The following PVT1 variants were observed in gnomAD, a reference collection of about 807,000 sequenced individuals.
The protein encoded by PVT1 is CXCR4/PVT1 fusion.
At chr8:127,795,254 A>G (rs1814380274) in intron 1 of PVT1, among the ~76,000 whole-genome samples, 1 of 152,182 alleles carries the variant, frequency 6.6e-6, no homozygotes, top group African/African-American at 2.4e-5. Context: ...CTAAACCCTC[A>G]TCATGGTCAT....
intron 4 of PVT1, among the ~76,000 whole-genome samples, chr8:128,006,145 T>TAAAAATAAA (rs367569004): frequency 7.4e-6 from 1 of 134,388 alleles, no homozygotes; most frequent in Admixed American, 7.4e-5. Context: ...ATAATAATAA[T>TAAAAATAAA]AATAAAAAGA....
rs1814639679 is a variant in PVT1, at chr8:127,814,667, GTAAAATTTACATAA to G, written n.372+18605_372+18618del. ...TTATGTGTAAAATGTTTTTACTGTG[GTAAAATTTACATAA>G]TAAAATTTGCCATTGTAACCATTTC... On this transcript the variant is annotated intron_variant and non_coding_transcript_variant, in intron 2 of 10. Coordinates refer to ENST00000651587, the Ensembl canonical transcript of PVT1. Among the ~76,000 whole-genome samples the G allele has an allele frequency of 2.0e-5, 3 of 152,246 alleles. No homozygotes were observed. In the South Asian group the frequency reaches 6.2e-4, roughly 32 times the overall value.
chr8:127,837,397 T>TG (rs60862433), intron 2 of PVT1, among the ~76,000 whole-genome samples: 19,869 of 146,862 alleles, frequency 0.14, 1,591 homozygotes, highest in Admixed American at 0.23. Flanking sequence ...TTGTTGTTGT[T>TG]TTTTTTTTTT....
intron 2 of PVT1, among the ~76,000 whole-genome samples, chr8:127,868,845 A>G (rs1815321646): frequency 8.0e-6 from 1 of 124,892 alleles, no homozygotes; most frequent in Non-Finnish European, 1.6e-5. Context: ...TTTACTTTTT[A>G]AAAGTTTCTC....
rs1378824130 is a variant in PVT1 at position 127,994,826 on chromosome 8, A to G, written n.912+5535A>G. On this transcript the variant is annotated intron_variant and non_coding_transcript_variant, in intron 4 of 10. Transcript: ENST00000651587. ...GGCAGGAGAAGATCGATGTCCCAGA[A>G]CAAGCAATCAGGCAGAGATGAAATT... 4.6e-5 allele frequency among the ~76,000 whole-genome samples: 7 copies of G among 152,302 alleles called. No individual in the cohort carries two copies. In the East Asian group the frequency reaches 7.7e-4, roughly 17 times the overall value.
At chr8:128,086,519 T>C (rs1814260431) in intron 5 of PVT1, among the ~76,000 whole-genome samples, 2 of 152,210 alleles carry the variant, frequency 1.3e-5, no homozygotes, top group South Asian at 4.1e-4. Context: ...CCTGTACTTA[T>C]ACCCACAGCA....
chr8:127,902,905 G>A (rs976581790), intron 3 of PVT1, among the ~76,000 whole-genome samples: 5 of 152,120 alleles, frequency 3.3e-5, no homozygotes, highest in Admixed American at 6.6e-5. Flanking sequence ...ACATGGGTGC[G>A]TGTGTACTTT....
At chr8:128,082,633 G>GCAGGC (rs1814201892) in intron 5 of PVT1, 1 of 152,236 alleles carries the variant, frequency 6.6e-6, no homozygotes, top group Non-Finnish European at 1.5e-5. Flanking sequence ...TATGGTAATG[G>GCAGGC]CAGGCAAGTT....
intron 2 of PVT1, among the ~76,000 whole-genome samples, chr8:127,879,560 A>G (rs977469183): frequency 4.7e-5 from 7 of 148,740 alleles, no homozygotes; most frequent in African/African-American, 1.6e-4. Flanking sequence ...ACAAACAAAC[A>G]AAAAAGAACA....
At chr8:128,082,021 A>G (rs1034411335) in intron 5 of PVT1, among the ~76,000 whole-genome samples, 2 of 152,152 alleles carry the variant, frequency 1.3e-5, no homozygotes, top group Admixed American at 1.3e-4. Flanking sequence ...AGATAGCCCA[A>G]AGACGCCCAA....
chr8:127,998,764 T>C (rs1400957921), intron 4 of PVT1, among the ~76,000 whole-genome samples: 3 of 147,504 alleles, frequency 2.0e-5, no homozygotes, highest in Non-Finnish European at 4.5e-5. Context: ...TTTCCTACCT[T>C]CCTTTTCCTT....
chr8:127,798,445 G>A (rs1186062254), intron 2 of PVT1, among the ~76,000 whole-genome samples: 4 of 152,034 alleles, frequency 2.6e-5, no homozygotes, highest in Non-Finnish European at 2.9e-5. Flanking sequence ...TCTGCCTGCC[G>A]ACCTTTTCTG....
At chr8:128,081,361 T>C (rs1442546753) in intron 5 of PVT1, among the ~76,000 whole-genome samples, 1 of 152,204 alleles carries the variant, frequency 6.6e-6, no homozygotes, top group Non-Finnish European at 1.5e-5. Flanking sequence ...CATTCGTACA[T>C]AGGTTTTTGT....
intron 3 of PVT1, among the ~76,000 whole-genome samples, chr8:127,909,603 G>C (rs866470368): frequency 1.3e-5 from 2 of 152,182 alleles, no homozygotes; most frequent in Non-Finnish European, 1.5e-5. Context: ...ATGGGCAACT[G>C]TTTTTCATTT....
chr8:127,924,639 G>A (rs912615991), intron 3 of PVT1, among the ~76,000 whole-genome samples: 2 of 151,570 alleles, frequency 1.3e-5, no homozygotes, highest in African/African-American at 4.9e-5. Context: ...AGCCTCCTGA[G>A]TAGCTGGGAC....
intron 4 of PVT1, chr8:127,996,480 A>G (rs1271719278): frequency 6.6e-6 from 1 of 151,924 alleles, no homozygotes; most frequent in Non-Finnish European, 1.5e-5. Flanking sequence ...AAACCTTGAA[A>G]TGAGGACATT....
chr8:128,048,370 C>G (rs558081915), intron 4 of PVT1: 5 of 152,408 alleles, frequency 3.3e-5, no homozygotes, highest in East Asian at 1.9e-4. Context: ...ACTCACTGCT[C>G]TCCTGGGTAC....
rs147878746 is a variant in PVT1, at chr8:127,985,293, A to C, written n.783-3869A>C. Among the ~76,000 whole-genome samples the C allele has an allele frequency of 7.1e-3, 1,077 of 151,636 alleles. 16 individuals carry two copies. The highest frequency in any genetic ancestry group is 0.025 in the African/African-American group (1,029 of 41,300). On this transcript the variant is annotated intron_variant and non_coding_transcript_variant, in intron 3 of 10. Coordinates refer to ENST00000651587, the Ensembl canonical transcript of PVT1. ...ATGATCCTCCCCTCTCGGCCTCCCA[A>C]AGTGTTGGGATTACAGGCGTGAGCC...
intron 5 of PVT1, among the ~76,000 whole-genome samples, chr8:128,086,209 G>T (rs1051934103): frequency 2.0e-5 from 3 of 152,116 alleles, no homozygotes; most frequent in Non-Finnish European, 4.4e-5. Flanking sequence ...TTTAGGACAC[G>T]AACTAGTAGT....
Sources: allele counts gnomAD v4.1 joint callset (sites outside exome capture counted in the v4.1 genomes callset), GRCh38; gene constraint gnomAD v4.1.1; transcripts MANE v1.5; gene names NCBI Gene and HGNC (gene_info 2026-07-23, HGNC 2026-07-21).